NELL1: variants seen among roughly 807,000 people sequenced by gnomAD.
The protein encoded by NELL1 is protein kinase C-binding protein NELL1.
NELL1 carries 76 observed loss-of-function variants against 107.4 expected under a neutral mutation model. The ratio of observed to expected loss-of-function variants is 0.71; its 90% CI spans 0.59 to 0.86. The LOEUF is 0.86. Ranked by LOEUF, NELL1 falls within the 40% of genes least tolerant of loss-of-function variation. The probability of loss-of-function intolerance (pLI) is 0.00; values close to 1 mark genes in which losing one functional copy is unlikely to be tolerated. For missense variants in NELL1, 1,024 were observed against 1,005.5 expected (o/e 1.02, Z -0.25); for synonymous variants, 353 against 341.2 (o/e 1.03, Z -0.38).
At chr11:21,539,767 G>A (rs1856243724) in intron 16 of NELL1, among the ~76,000 whole-genome samples, 2 of 151,678 alleles carry the variant, frequency 1.3e-5, no homozygotes, top group South Asian at 4.2e-4. Context: ...CCTGGGTACA[G>A]GATACCGATA....
chr11:21,501,954 A>G (rs968522534), intron 15 of NELL1, among the ~76,000 whole-genome samples: 3 of 152,146 alleles, frequency 2.0e-5, no homozygotes, highest in African/African-American at 7.2e-5. Context: ...AAGCTCATCT[A>G]TACTTCTGTC....
rs573056446 is a variant in NELL1, at chr11:21,128,098, A to T, written c.1426+14384A>T. 9.9e-5 allele frequency among the ~76,000 whole-genome samples: 15 copies of T among 152,226 alleles called. No homozygotes were observed. The South Asian group carries it at 3.1e-3, about 32-fold the overall frequency. On this transcript the variant is annotated intron_variant, in intron 13 of 19. Coordinates refer to ENST00000357134, the MANE Select transcript of NELL1 (RefSeq NM_006157.5). Reference sequence around the variant, plus strand: ...ACGGACTCCTGGAGGGGAGCATCTTAGTTTGTCTGATGTTTTCTATTTAGG... The same window carrying T: ...ACGGACTCCTGGAGGGGAGCATCTTTGTTTGTCTGATGTTTTCTATTTAGG...
intron 3 of NELL1, among the ~76,000 whole-genome samples, chr11:20,838,984 T>C (rs1848578613): frequency 6.6e-6 from 1 of 152,196 alleles, no homozygotes; most frequent in South Asian, 2.1e-4. Context: ...ATAAATGTTT[T>C]TATTTGACTT....
chr11:21,151,683 A>G (rs947742244), intron 13 of NELL1, among the ~76,000 whole-genome samples: 5 of 152,244 alleles, frequency 3.3e-5, no homozygotes, highest in African/African-American at 1.2e-4. Flanking sequence ...AGTTCCTAGC[A>G]TAGAGTAAGC....
chr11:21,568,251 G>A (rs1232461461), intron 17 of NELL1, among the ~76,000 whole-genome samples: 1 of 151,594 alleles, frequency 6.6e-6, no homozygotes, highest in Non-Finnish European at 1.5e-5. Flanking sequence ...CGTAGAAAAG[G>A]TACAATAACA....
At chr11:21,450,047 C>T (rs566178995) in intron 15 of NELL1, among the ~76,000 whole-genome samples, 1 of 152,250 alleles carries the variant, frequency 6.6e-6, no homozygotes, top group East Asian at 1.9e-4. Context: ...AAATTCCTAG[C>T]TTGCCTAGTT....
At chr11:21,464,029 G>A (rs557674936) in intron 15 of NELL1, among the ~76,000 whole-genome samples, 8 of 152,170 alleles carry the variant, frequency 5.3e-5, no homozygotes, top group South Asian at 2.1e-4. Context: ...AAGCATGGTC[G>A]CCTAAGGGTA....
intron 13 of NELL1, among the ~76,000 whole-genome samples, chr11:21,123,633 A>G (rs1516767): frequency 0.49 from 74,247 of 151,868 alleles, 18,740 homozygotes; most frequent in Middle Eastern, 0.59. Flanking sequence ...AATTGATACA[A>G]CCTTTCTTGA....
intron 14 of NELL1, among the ~76,000 whole-genome samples, chr11:21,231,736 C>T (rs1453819949): frequency 2.0e-5 from 3 of 152,078 alleles, no homozygotes; most frequent in Admixed American, 6.5e-5. Flanking sequence ...AAATAATGTT[C>T]CTGATGTCCG....
Position 20,801,336 on chromosome 11 carries a change from C to T in NELL1, c.335+17506C>T, listed in dbSNP as rs548418316. 9.8e-5 allele frequency among the ~76,000 whole-genome samples: 15 copies of T among 152,316 alleles called. No individual in the cohort carries two copies. The South Asian group carries it at 1.7e-3, about 17-fold the overall frequency. ...ATTTTGACTCCCTCTCAAGGTTATA[C>T]AGATACAAAATGGCAGAGCCAGAAT... is the stretch of plus-strand genomic sequence containing the variant. On this transcript the variant is annotated intron_variant, in intron 3 of 19. Coordinates refer to ENST00000357134, the MANE Select transcript of NELL1 (RefSeq NM_006157.5).
At chr11:21,522,834 C>CTTTTTTTTTTTTTTTTTTTTT (rs66707466) in intron 15 of NELL1, among the ~76,000 whole-genome samples, 3 of 68,432 alleles carry the variant, frequency 4.4e-5, no homozygotes, top group Admixed American at 2.3e-4. Context: ...TTTTTCTTTT[C>CTTTTTTTTTTTTTTTTTTTTT]TTTTTTTTTT....
intron 14 of NELL1, among the ~76,000 whole-genome samples, chr11:21,329,425 T>G (rs2133682661): frequency 6.6e-6 from 1 of 152,286 alleles, no homozygotes; most frequent in South Asian, 2.1e-4. Context: ...CTTTCCACTA[T>G]AAATTACCCA....
chr11:20,995,618 A>G lies in NELL1; in HGVS notation c.1300+35058A>G, dbSNP rs1056289339. Among the ~76,000 whole-genome samples, 10 of 152,174 alleles carry G rather than the reference A, an allele frequency of 6.6e-5. No homozygotes were observed. In the East Asian group the frequency reaches 1.9e-3, roughly 29 times the overall value. On this transcript the variant is annotated intron_variant, in intron 12 of 19. Coordinates refer to ENST00000357134, the MANE Select transcript of NELL1 (RefSeq NM_006157.5). The stretch of plus-strand genomic sequence containing the variant: ...TCTATAAATTGCTTCACATTTCTAC[A>G]TCCCAGAAGAGAAGAGTGGCTCCAG...
Position 20,937,816 on chromosome 11 carries a change from C to T in NELL1, c.1028C>T (p.Ala343Val), listed in dbSNP as rs776784394. The change falls in exon 10 of 20, where the codon GCA becomes GTA. Residue 343 changes from alanine (A) to valine (V), a missense_variant. Physicochemically the swap from Ala to Val is moderately conservative, Grantham distance 64. Transcript: ENST00000357134. ...TGTATCTATGGAGGAAAAGTTCTTG[C>T]AGAAGGCCAGCGGATTTTAACCAAG... ...PKCIYGGKVL[A>V]EGQRILTKSC... The T allele has an allele frequency of 3.7e-6, 6 of 1,614,028 alleles. No individual in the cohort carries two copies. The highest frequency in any genetic ancestry group is 5.1e-6 in the Non-Finnish European group (6 of 1,179,922).
intron 12 of NELL1, among the ~76,000 whole-genome samples, chr11:21,086,973 G>A (rs577355351): frequency 6.6e-6 from 1 of 151,990 alleles, no homozygotes; most frequent in East Asian, 2.0e-4. Context: ...AGAGTAGCTG[G>A]GACTACAGGC....
At chr11:21,276,568 A>G (rs904442802) in intron 14 of NELL1, among the ~76,000 whole-genome samples, 2 of 152,150 alleles carry the variant, frequency 1.3e-5, no homozygotes, top group Non-Finnish European at 2.9e-5. Flanking sequence ...ATATGGAACC[A>G]AAAAAGAGCC....
At chr11:21,362,190 C>A (rs1483062214) in intron 14 of NELL1, among the ~76,000 whole-genome samples, 1 of 152,174 alleles carries the variant, frequency 6.6e-6, no homozygotes, top group Non-Finnish European at 1.5e-5. Flanking sequence ...GGATGATCCC[C>A]TGATATAATG....
chr11:21,357,069 C>T (rs959826960), intron 14 of NELL1, among the ~76,000 whole-genome samples: 1 of 152,118 alleles, frequency 6.6e-6, no homozygotes, highest in African/African-American at 2.4e-5. Flanking sequence ...GGCATTTAGG[C>T]TGGTTCCATA....
chr11:21,422,530 C>A (rs1042130258), intron 15 of NELL1, among the ~76,000 whole-genome samples: 1 of 151,850 alleles, frequency 6.6e-6, no homozygotes, highest in Non-Finnish European at 1.5e-5. Flanking sequence ...TAACACAATG[C>A]ACAAAGATGT....
Sources: allele counts gnomAD v4.1 joint callset (sites outside exome capture counted in the v4.1 genomes callset), GRCh38; gene constraint gnomAD v4.1.1; transcripts MANE v1.5; gene names NCBI Gene and HGNC (gene_info 2026-07-23, HGNC 2026-07-21).